TRPM7: variants seen among roughly 807,000 people sequenced by gnomAD.
TRPM7 encodes transient receptor potential cation channel subfamily M member 7.
TRPM7 carries 134 observed loss-of-function variants against 229.7 expected under a neutral mutation model. The observed-to-expected ratio is 0.58, with a 90% CI of 0.51 to 0.67. TRPM7 has a LOEUF of 0.67. TRPM7 is among the 30% of genes least tolerant of loss of function. The pLI, the probability that TRPM7 is intolerant of heterozygous loss-of-function variation, is 0.00. For synonymous variants in TRPM7, 699 were observed against 715.2 expected (o/e 0.98, Z 0.36); for missense variants, 1,901 against 2,210.0 (o/e 0.86, Z 2.80).
chr15:50,626,720 T>C (rs2060569498), intron 11 of TRPM7, among the ~76,000 whole-genome samples: 1 of 152,168 alleles, frequency 6.6e-6, no homozygotes, highest in South Asian at 2.1e-4. Flanking sequence ...TTAATTTTTT[T>C]CCTCTGTAGT....
chr15:50,666,418 G>T (rs1205677727), intron 1 of TRPM7, among the ~76,000 whole-genome samples: 1 of 152,048 alleles, frequency 6.6e-6, no homozygotes, highest in Non-Finnish European at 1.5e-5. Context: ...TCCAGCCTGG[G>T]TGACAGAATG....
intron 31 of TRPM7, among the ~76,000 whole-genome samples, chr15:50,577,684 C>T (rs569094256): frequency 1.3e-5 from 2 of 152,142 alleles, no homozygotes; most frequent in South Asian, 4.2e-4. Context: ...CACATGCTAA[C>T]TCTGACTCAG....
intron 7 of TRPM7, among the ~76,000 whole-genome samples, chr15:50,636,277 G>A (rs974608935): frequency 6.7e-6 from 1 of 150,084 alleles, no homozygotes; most frequent in Non-Finnish European, 1.5e-5. Context: ...TGCAGCCTCC[G>A]CCTCCTGGGC....
intron 10 of TRPM7, among the ~76,000 whole-genome samples, chr15:50,630,783 C>A (rs1310683821): frequency 6.6e-6 from 1 of 152,066 alleles, no homozygotes; most frequent in African/African-American, 2.4e-5. Context: ...GCAATCCTCC[C>A]GCCTCAGCCT....
rs931096694 is a variant in TRPM7, at chr15:50,561,482, C to T, written c.*196G>A. Reference sequence around the variant, plus strand: ...AATTACCTTTAAAATTTCTCAGCTGCCAGCTCTATCCTATAGGGACTTTCT... The same window carrying T: ...AATTACCTTTAAAATTTCTCAGCTGTCAGCTCTATCCTATAGGGACTTTCT... On this transcript the variant is annotated 3_prime_UTR_variant, in exon 39 of 39. Coordinates refer to ENST00000646667, the MANE Select transcript of TRPM7 (RefSeq NM_017672.6). 1.2e-5 allele frequency: 6 copies of T among 519,466 alleles called. No homozygotes were observed. Among genetic ancestry groups the T allele is most frequent in the African/African-American group, 1.0e-4 (5 of 50,198 alleles). The allele number at this position is 519,466 out of a possible 1,614,324, so 32.2% of individuals were successfully genotyped here.
chr15:50,561,894 A>G, intron 38 of TRPM7, 86 bp from the exon 39 acceptor site: 1 of 1,312,600 alleles, frequency 7.6e-7, no homozygotes, highest in South Asian at 1.6e-5. Flanking sequence ...AGAATTAGGA[A>G]CCTTTTATTT....
intron 1 of TRPM7, among the ~76,000 whole-genome samples, chr15:50,672,952 ATG>A (rs1190862918): frequency 6.6e-6 from 1 of 150,974 alleles, no homozygotes; most frequent in Admixed American, 6.6e-5. Context: ...TATAAAGAAA[ATG>A]TTTTTATGCA....
chr15:50,639,555 A>C lies in TRPM7; in HGVS notation c.536-7T>G. On this transcript the variant is annotated splice_polypyrimidine_tract_variant and splice_region_variant and intron_variant, in intron 5 of 38. Coordinates refer to ENST00000646667, the MANE Select transcript of TRPM7 (RefSeq NM_017672.6). Reference sequence around the variant, plus strand: ...CCAACATGTTTTGCCACACCTGTTCATAAAAAAAGTTTATTCATTTTGTTT... The same window carrying C: ...CCAACATGTTTTGCCACACCTGTTCCTAAAAAAAGTTTATTCATTTTGTTT... 1 of 1,598,350 alleles carries C rather than the reference A, an allele frequency of 6.3e-7. No homozygotes were observed. Among genetic ancestry groups the C allele is most frequent in the East Asian group, 2.2e-5 (1 of 44,672 alleles).
chr15:50,567,308 C>T (rs1056090596), intron 38 of TRPM7, among the ~76,000 whole-genome samples: 4 of 152,076 alleles, frequency 2.6e-5, no homozygotes, highest in African/African-American at 7.2e-5. Flanking sequence ...GGTATATCTC[C>T]CAATGCTACC....
At chr15:50,633,427 A>G (rs1482015429) in intron 8 of TRPM7, among the ~76,000 whole-genome samples, 1 of 152,176 alleles carries the variant, frequency 6.6e-6, no homozygotes, top group Non-Finnish European at 1.5e-5. Context: ...ATTAATAGTG[A>G]AAGTCTCCTT....
chr15:50,595,648 G>T (rs1383058657), intron 23 of TRPM7, among the ~76,000 whole-genome samples: 2 of 152,010 alleles, frequency 1.3e-5, no homozygotes, highest in Non-Finnish European at 2.9e-5. Flanking sequence ...ATCACATGAG[G>T]CCAGGAGTTT....
At chr15:50,649,352 T>C (rs993419410) in intron 3 of TRPM7, among the ~76,000 whole-genome samples, 2 of 151,858 alleles carry the variant, frequency 1.3e-5, no homozygotes, top group African/African-American at 4.8e-5. Context: ...GGTGGGAGGC[T>C]TGGTTGAGCC....
At chr15:50,676,123 T>C (rs1196877610) in intron 1 of TRPM7, among the ~76,000 whole-genome samples, 2 of 152,150 alleles carry the variant, frequency 1.3e-5, no homozygotes, top group Non-Finnish European at 1.5e-5. Flanking sequence ...AATTATAAAT[T>C]CTTACACCAG....
chr15:50,637,220 A>G (rs1445198878), intron 7 of TRPM7, among the ~76,000 whole-genome samples: 1 of 151,252 alleles, frequency 6.6e-6, no homozygotes, highest in Non-Finnish European at 1.5e-5. Flanking sequence ...TTTTGGTTTT[A>G]GCCTTGATAA....
intron 12 of TRPM7, among the ~76,000 whole-genome samples, chr15:50,621,796 C>A (rs112099713): frequency 0.058 from 8,864 of 152,058 alleles, 333 homozygotes; most frequent in African/African-American, 0.11. Context: ...TTTGGGAGGT[C>A]GAGGCAGTGG....
At chr15:50,651,621 C>CA (rs2061421627) in intron 3 of TRPM7, among the ~76,000 whole-genome samples, 1 of 152,050 alleles carries the variant, frequency 6.6e-6, no homozygotes, top group African/African-American at 2.4e-5. Flanking sequence ...CATAGTAAGA[C>CA]TCTGTCTCTA....
Position 50,596,312 on chromosome 15 carries a change from G to C in TRPM7, c.3233C>G (p.Ala1078Gly), listed in dbSNP as rs2059631859. 1 of 1,605,394 alleles carries C rather than the reference G, an allele frequency of 6.2e-7. No homozygotes were observed. Among genetic ancestry groups the C allele is most frequent in the South Asian group, 1.1e-5 (1 of 89,826 alleles). Residue 1078 changes from alanine to glycine, a missense_variant, in exon 23 of 39, where the codon GCA becomes GGA. Ala to Gly is a moderately conservative substitution (Grantham distance 60, BLOSUM62 0). Around this residue, in one of 8 missense-constraint regions of TRPM7, gnomAD observed 89 missense variants for 178.2 expected, o/e 0.50. Coordinates refer to ENST00000646667, the MANE Select transcript of TRPM7 (RefSeq NM_017672.6). Reference protein sequence around the residue: ...PGTWLTPFLQAVYLFVQYIIM... With the variant: ...PGTWLTPFLQGVYLFVQYIIM... ...GATATACTGTACAAAGAGGTAGACT[G>C]CTTGAAGAAATGGAGTCAACCACGT... is the stretch of plus-strand genomic sequence containing the variant.
intron 4 of TRPM7, among the ~76,000 whole-genome samples, chr15:50,647,830 T>C (rs1195528170): frequency 6.6e-6 from 1 of 152,214 alleles, no homozygotes; most frequent in East Asian, 1.9e-4. Context: ...GTGAATCAAA[T>C]ATATTCAAGA....
chr15:50,583,224 A>G, intron 28 of TRPM7, 65 bp from the exon 29 acceptor site: 1 of 1,163,512 alleles, frequency 8.6e-7, no homozygotes, highest in South Asian at 1.4e-5. Context: ...CCAACTAACC[A>G]AACACAAAGT....
Sources: gnomAD v4.1 joint callset for allele counts (sites outside exome capture counted in the v4.1 genomes callset) on GRCh38, gnomAD v4.1.1 for gene constraint, gnomAD v4.1.1 regional missense constraint, MANE v1.5 for transcripts, NCBI Gene and HGNC (gene_info 2026-07-23, HGNC 2026-07-21) for gene names.